CNTN4: variants seen among roughly 807,000 people sequenced by gnomAD.
CNTN4 encodes the protein contactin-4.
Under a neutral mutation model 122.5 loss-of-function variants are expected in CNTN4, and 77 were observed. That is an observed-to-expected ratio of 0.63 (90% CI 0.52 to 0.76). The LOEUF (loss-of-function observed/expected upper bound fraction) is 0.76. Ranked by LOEUF, CNTN4 falls within the 30% of genes least tolerant of loss-of-function variation. The probability of loss-of-function intolerance (pLI) is 0.00; values close to 1 mark genes in which losing one functional copy is unlikely to be tolerated. For missense variants in CNTN4, 1,256 were observed against 1,259.1 expected, an observed-to-expected ratio of 1.00 and a Z score of 0.04; for synonymous variants, 512 against 447.0, an observed-to-expected ratio of 1.15 and a Z score of -1.83.
At chr3:2,852,571 T>C (rs1043883697) in intron 7 of CNTN4, among the ~76,000 whole-genome samples, 1 of 152,220 alleles carries the variant, frequency 6.6e-6, no homozygotes, top group Non-Finnish European at 1.5e-5. Context: ...AGTAGCAATT[T>C]GGCTACAGTA....
intron 2 of CNTN4, among the ~76,000 whole-genome samples, chr3:2,137,949 A>G (rs1439906520): frequency 6.6e-6 from 1 of 152,112 alleles, no homozygotes; most frequent in Non-Finnish European, 1.5e-5. Flanking sequence ...AGTGCATCTC[A>G]TTGGCTGAGC....
At chr3:2,788,179 C>T (rs2091900713) in intron 6 of CNTN4, among the ~76,000 whole-genome samples, 1 of 152,116 alleles carries the variant, frequency 6.6e-6, no homozygotes, top group Non-Finnish European at 1.5e-5. Context: ...GGGTACTTAC[C>T]ATGTACCAGG....
intron 3 of CNTN4, among the ~76,000 whole-genome samples, chr3:2,547,485 C>G (rs2078297801): frequency 6.6e-6 from 1 of 152,038 alleles, no homozygotes; most frequent in African/African-American, 2.4e-5. Context: ...AGTCTGGTCT[C>G]AAACTCCTGA....
intron 2 of CNTN4, among the ~76,000 whole-genome samples, chr3:2,138,065 T>A (rs182106826): frequency 1.9e-3 from 278 of 148,746 alleles, no homozygotes; most frequent in African/African-American, 6.7e-3. Flanking sequence ...TTCTTCTTCT[T>A]CTTTTTTTTT....
intron 2 of CNTN4, among the ~76,000 whole-genome samples, chr3:2,126,417 CCTTTT>C (rs905334136): frequency 4.6e-5 from 7 of 152,098 alleles, no homozygotes; most frequent in African/African-American, 1.7e-4. Context: ...TTATCTGGCA[CCTTTT>C]CTTGTACTTT....
At chr3:2,548,824 C>A (rs1439494049) in intron 3 of CNTN4, among the ~76,000 whole-genome samples, 1 of 152,054 alleles carries the variant, frequency 6.6e-6, no homozygotes, top group African/African-American at 2.4e-5. Flanking sequence ...AATGTTTTTC[C>A]TTTTGTTTGC....
At chr3:2,914,445 A>G (rs1195391468) in intron 12 of CNTN4, among the ~76,000 whole-genome samples, 2 of 152,196 alleles carry the variant, frequency 1.3e-5, no homozygotes. Flanking sequence ...AAGTAAAATC[A>G]GAAATTAGAG....
chr3:2,749,744 C>G (rs903288377), intron 6 of CNTN4, among the ~76,000 whole-genome samples: 2 of 152,080 alleles, frequency 1.3e-5, no homozygotes, highest in African/African-American at 4.8e-5. Flanking sequence ...TGGAGTTTAT[C>G]TTTTTGATCA....
rs559639601 is a variant in CNTN4, at chr3:2,129,287, G to C, written c.-145+28648G>C. Among the ~76,000 whole-genome samples the C allele has an allele frequency of 2.1e-5, 3 of 139,682 alleles. No individual in the cohort carries two copies. In the South Asian group the frequency reaches 7.0e-4, roughly 32 times the overall value. 91.6% of individuals were successfully genotyped at this position (139,682 alleles called of 152,430 possible). On this transcript the variant is annotated intron_variant, in intron 2 of 24. Coordinates refer to ENST00000418658, the MANE Select transcript of CNTN4 (RefSeq NM_175607.3). Reference sequence around the variant, plus strand: ...TGCAAAAAAAAAAAAAAAAAAAAGCGCACATCATGTGCAGAGACTTCCCAT... The same window carrying C: ...TGCAAAAAAAAAAAAAAAAAAAAGCCCACATCATGTGCAGAGACTTCCCAT...
intron 4 of CNTN4, among the ~76,000 whole-genome samples, chr3:2,686,465 C>T (rs1166977419): frequency 6.6e-6 from 1 of 152,134 alleles, no homozygotes; most frequent in African/African-American, 2.4e-5. Flanking sequence ...AATCATTCCT[C>T]AGCTCCAAAT....
chr3:2,284,100 A>AC (rs1391827498), intron 2 of CNTN4, among the ~76,000 whole-genome samples: 2 of 152,168 alleles, frequency 1.3e-5, no homozygotes, highest in East Asian at 3.9e-4. Context: ...TAGAGTAAGT[A>AC]CCCAAAGAAG....
chr3:2,362,475 G>C (rs913761063), intron 3 of CNTN4: 7 of 472,642 alleles, frequency 1.5e-5, no homozygotes, highest in Non-Finnish European at 2.5e-5. Flanking sequence ...AGGACTAGCA[G>C]TGTCTTGTGT....
At chr3:2,931,036 G>A (rs2094515926) in intron 13 of CNTN4, among the ~76,000 whole-genome samples, 1 of 152,180 alleles carries the variant, frequency 6.6e-6, no homozygotes, top group South Asian at 2.1e-4. Flanking sequence ...GGACAGAATT[G>A]AAGGATTTTA....
intron 6 of CNTN4, among the ~76,000 whole-genome samples, chr3:2,800,079 C>T (rs1355861674): frequency 1.5e-5 from 2 of 136,488 alleles, no homozygotes; most frequent in African/African-American, 2.7e-5. Flanking sequence ...ATGCCATCTA[C>T]TTTTTTTTTT....
At chr3:2,516,932 A>G (rs1479602170) in intron 3 of CNTN4, among the ~76,000 whole-genome samples, 3 of 151,960 alleles carry the variant, frequency 2.0e-5, no homozygotes, top group Non-Finnish European at 4.4e-5. Context: ...AGCAATAACA[A>G]AAGAAAGAAA....
rs970448015 is a variant in CNTN4 at position 2,709,928 on chromosome 3, A to G, written c.56-26287A>G. 3.3e-5 allele frequency among the ~76,000 whole-genome samples: 5 copies of G among 152,082 alleles called. No individual in the cohort carries two copies. The East Asian group carries it at 9.6e-4, about 29-fold the overall frequency. On this transcript the variant is annotated intron_variant, in intron 4 of 24. Coordinates refer to ENST00000418658, the MANE Select transcript of CNTN4 (RefSeq NM_175607.3). This position sits in a 1 kb window ranked among gnomAD's most constrained non-coding sequence, Gnocchi z 5.0. ...CATATAAATACAAAAAAAAAATAAG[A>G]ATAAACTCCAAAGAGCATGTTTCCA...
chr3:2,267,376 A>G (rs934548077), intron 2 of CNTN4, among the ~76,000 whole-genome samples: 14 of 152,116 alleles, frequency 9.2e-5, no homozygotes, highest in African/African-American at 3.1e-4. Context: ...AAAATCAGCA[A>G]TTTCACAGCT....
chr3:2,896,506 T>A (rs1352605671), intron 10 of CNTN4, among the ~76,000 whole-genome samples: 3 of 152,150 alleles, frequency 2.0e-5, no homozygotes, highest in Non-Finnish European at 4.4e-5. Context: ...CCAACATGCA[T>A]ATTTCTTGTA....
chr3:2,222,591 T>C (rs2039102995), intron 2 of CNTN4, among the ~76,000 whole-genome samples: 1 of 152,108 alleles, frequency 6.6e-6, no homozygotes, highest in South Asian at 2.1e-4. Context: ...AGGAGTGAAT[T>C]TTATATTATA....
Sources: allele counts gnomAD v4.1 joint callset (sites outside exome capture counted in the v4.1 genomes callset), GRCh38; gene constraint gnomAD v4.1.1; non-coding constraint Gnocchi (gnomAD v3.1); transcripts MANE v1.5; gene names NCBI Gene and HGNC (gene_info 2026-07-23, HGNC 2026-07-21).